Variants in SLTM observed in about 807,000 individuals in gnomAD.
SLTM encodes SAFB like transcription modulator, also known as SAFB-like transcription modulator.
Under a neutral mutation model 134.6 loss-of-function variants are expected in SLTM, and 43 were observed. That is an observed-to-expected ratio of 0.32 (90% confidence interval 0.25 to 0.41). SLTM has a LOEUF of 0.41. SLTM is among the 10% of genes least tolerant of loss of function. The pLI, the probability that SLTM is intolerant of heterozygous loss-of-function variation, is 1.00. For missense variants in SLTM, 1,055 were observed against 1,288.8 expected, an observed-to-expected ratio of 0.82 and a Z score of 2.78; for synonymous variants, 424 against 432.3, an observed-to-expected ratio of 0.98 and a Z score of 0.24.
At chr15:58,921,804 C>T (rs1452731348) in intron 2 of SLTM, among the ~76,000 whole-genome samples, 2 of 151,986 alleles carry the variant, frequency 1.3e-5, no homozygotes, top group African/African-American at 2.4e-5. Context: ...GAGACAGACT[C>T]TTACTCTGTC....
chr15:58,892,590 T>A (rs1483040169), intron 14 of SLTM, among the ~76,000 whole-genome samples: 1 of 152,196 alleles, frequency 6.6e-6, no homozygotes, highest in Non-Finnish European at 1.5e-5. Flanking sequence ...GAGTCCCGAC[T>A]CTGCCACTTG....
chr15:58,880,219 A>G, intron 20 of SLTM, 112 bp from the exon 21 acceptor site: 1 of 1,407,598 alleles, frequency 7.1e-7, no homozygotes, highest in African/African-American at 1.4e-5. Context: ...TACTCTTTTC[A>G]ACAGTCCCGT....
chr15:58,922,909 T>C (rs956488799), intron 2 of SLTM, among the ~76,000 whole-genome samples: 63 of 151,848 alleles, frequency 4.1e-4, no homozygotes, highest in African/African-American at 1.3e-3. Context: ...AGAGATGGGG[T>C]TTCACCAAGT....
At chr15:58,910,350 T>C (rs551141316) in intron 5 of SLTM, among the ~76,000 whole-genome samples, 45 of 152,302 alleles carry the variant, frequency 3.0e-4, no homozygotes, top group South Asian at 2.3e-3. Flanking sequence ...TAATGGAACC[T>C]AGATACATTT....
intron 2 of SLTM, among the ~76,000 whole-genome samples, chr15:58,924,295 T>C (rs1409090721): frequency 6.6e-6 from 1 of 152,242 alleles, no homozygotes; most frequent in Non-Finnish European, 1.5e-5. Flanking sequence ...CTTGCATGAT[T>C]TGAGGGCCTA....
intron 5 of SLTM, among the ~76,000 whole-genome samples, chr15:58,907,990 A>G (rs141519945): frequency 1.2e-3 from 158 of 131,234 alleles, no homozygotes; most frequent in African/African-American, 4.5e-3. Context: ...ATATCCCTAT[A>G]TAAACATGCT....
At chr15:58,915,699 G>A (rs1279623616) in intron 3 of SLTM, among the ~76,000 whole-genome samples, 8 of 152,090 alleles carry the variant, frequency 5.3e-5, no homozygotes, top group African/African-American at 1.7e-4. Context: ...TTTTGGGGGT[G>A]GGGTTGTGTC....
chr15:58,897,060 C>T lies in SLTM; in HGVS notation c.1227+55G>A, dbSNP rs939240048. On this transcript the variant is annotated intron_variant, in intron 9 of 20. Transcript: ENST00000380516. ...CATGTAATACTATTTAGAATACAATCCTCATTTCAAATGCAGACACCAGAA... is the reference window on the plus strand; with the variant it reads ...CATGTAATACTATTTAGAATACAATTCTCATTTCAAATGCAGACACCAGAA... The T allele has an allele frequency of 3.0e-6, 3 of 996,200 alleles. No individual in the cohort carries two copies. The African/African-American group carries it at 4.8e-5, about 16-fold the overall frequency. 61.7% of individuals were successfully genotyped at this position (996,200 alleles called of 1,614,324 possible). A position where few individuals can be genotyped will look rare whatever the true frequency, so the allele number is the denominator to read the frequency against.
At chr15:58,901,358 C>T (rs543342083) in intron 5 of SLTM, 71 bp from the exon 6 acceptor site, 4 of 1,295,326 alleles carry the variant, frequency 3.1e-6, no homozygotes, top group South Asian at 2.6e-5. Flanking sequence ...AGTACAAAAT[C>T]AGCCAAGTTA....
chr15:58,886,268 T>TGTGTG (rs1491155719), intron 19 of SLTM, among the ~76,000 whole-genome samples: 2 of 126,366 alleles, frequency 1.6e-5, no homozygotes, highest in Admixed American at 7.8e-5. Context: ...TGTGTGTGTA[T>TGTGTG]TTTTTTTTTT....
intron 15 of SLTM, chr15:58,889,950 A>G (rs1469852157): frequency 2.7e-5 from 10 of 367,332 alleles, no homozygotes; most frequent in African/African-American, 2.1e-4. Flanking sequence ...TCCCACTATA[A>G]TATGTAAGGA....
intron 6 of SLTM, chr15:58,900,928 T>G: frequency 1.2e-5 from 3 of 240,868 alleles, no homozygotes; most frequent in Non-Finnish European, 1.6e-5. Context: ...TAAGCACACA[T>G]GAGTTACTGC....
intron 15 of SLTM, among the ~76,000 whole-genome samples, chr15:58,889,809 G>A (rs1304015723): frequency 2.6e-5 from 4 of 152,152 alleles, no homozygotes; most frequent in East Asian, 1.9e-4. Flanking sequence ...TTAATCATTC[G>A]ACTAAAACAA....
rs1349792526 is a variant in SLTM at position 58,894,597 on chromosome 15, T to G, written c.1228-15A>C. On this transcript the variant is annotated splice_polypyrimidine_tract_variant and intron_variant, in intron 9 of 20. Transcript: ENST00000380516. ...GCACTCAGAACCTATAAAATCAGAC[T>G]GTACTTTAGAGAGTTTTACAACGTT... 2.4e-5 allele frequency: 38 copies of G among 1,613,710 alleles called. No individual in the cohort carries two copies. Among genetic ancestry groups the G allele is most frequent in the Non-Finnish European group, 8.5e-7 (1 of 1,179,790 alleles).
chr15:58,886,264 TG>T (rs2034194799), intron 19 of SLTM, among the ~76,000 whole-genome samples: 1 of 135,108 alleles, frequency 7.4e-6, no homozygotes, highest in Non-Finnish European at 1.6e-5. Context: ...TGTGTGTGTG[TG>T]TATTTTTTTT....
At chr15:58,905,682 A>C (rs2035824301) in intron 5 of SLTM, among the ~76,000 whole-genome samples, 1 of 152,204 alleles carries the variant, frequency 6.6e-6, no homozygotes, top group Non-Finnish European at 1.5e-5. Context: ...TCAAGAAAAA[A>C]ACATAACATG....
At chr15:58,908,423 G>C (rs2036027613) in intron 5 of SLTM, among the ~76,000 whole-genome samples, 2 of 152,104 alleles carry the variant, frequency 1.3e-5, no homozygotes. Context: ...TTGGAGTACA[G>C]TGGTGTGATC....
intron 7 of SLTM, 47 bp from the exon 8 acceptor site, chr15:58,898,899 C>A (rs185072969): frequency 2.7e-5 from 38 of 1,433,340 alleles, no homozygotes; most frequent in Admixed American, 1.1e-4. Flanking sequence ...AAAACAAAAA[C>A]AAACCCAAAA....
At chr15:58,933,377 T>A in intron 1 of SLTM, 27 bp downstream of exon 1, 1 of 1,564,990 alleles carries the variant, frequency 6.4e-7, no homozygotes, top group Non-Finnish European at 8.7e-7. Context: ...CCCTTCCCGG[T>A]CCTTTCCGGT....
Sources: gnomAD v4.1 joint callset for allele counts (sites outside exome capture counted in the v4.1 genomes callset) on GRCh38, gnomAD v4.1.1 for gene constraint, MANE v1.5 for transcripts, NCBI Gene and HGNC (gene_info 2026-07-23, HGNC 2026-07-21) for gene names.